Variants in KANSL1L observed in about 807,000 individuals in gnomAD.
KANSL1L encodes the protein KAT8 regulatory NSL complex subunit 1 like.
In KANSL1L, 25 loss-of-function variants were observed where a neutral mutation model predicts 108.6. The observed-to-expected ratio is 0.23, with a 90% confidence interval of 0.17 to 0.32. The LOEUF (loss-of-function observed/expected upper bound fraction) is 0.32. KANSL1L is among the 10% of genes least tolerant of loss of function. The pLI is 1.00. For missense variants in KANSL1L, 1,137 were observed against 1,125.7 expected (o/e 1.01, Z -0.14); for synonymous variants, 405 against 395.1 (o/e 1.03, Z -0.30).
At chr2:210,103,898 A>C in intron 4 of KANSL1L, 1 of 306,356 alleles carries the variant, frequency 3.3e-6, no homozygotes, top group South Asian at 1.0e-4. Context: ...ATTACTTTAC[A>C]TATTATATTT....
At chr2:210,030,502 T>C (rs1348927332) in intron 9 of KANSL1L, among the ~76,000 whole-genome samples, 2 of 150,052 alleles carry the variant, frequency 1.3e-5, no homozygotes, top group Non-Finnish European at 1.5e-5. Context: ...CCAAGTTCTT[T>C]TTTTTTTTTT....
intron 6 of KANSL1L, among the ~76,000 whole-genome samples, chr2:210,056,042 G>A (rs897927682): frequency 2.0e-5 from 3 of 152,206 alleles, no homozygotes; most frequent in Non-Finnish European, 2.9e-5. Context: ...CGTGGGCTGC[G>A]CCCAGGACCC....
At chr2:210,169,961 A>T (rs1688234336) in intron 1 of KANSL1L, among the ~76,000 whole-genome samples, 1 of 152,222 alleles carries the variant, frequency 6.6e-6, no homozygotes, top group Non-Finnish European at 1.5e-5. Context: ...ATCTCTTAAG[A>T]CAGAGACCAT....
At chr2:210,091,402 A>G (rs757679868) in intron 5 of KANSL1L, among the ~76,000 whole-genome samples, 1 of 152,198 alleles carries the variant, frequency 6.6e-6, no homozygotes, top group Non-Finnish European at 1.5e-5. Context: ...AAAATGAAAT[A>G]TAAGATACAT....
chr2:210,041,006 A>G (rs372701180), intron 7 of KANSL1L, among the ~76,000 whole-genome samples: 3 of 152,308 alleles, frequency 2.0e-5, no homozygotes, highest in East Asian at 3.9e-4. Context: ...GAAAACCACT[A>G]TAAGTCAGAT....
intron 2 of KANSL1L, among the ~76,000 whole-genome samples, chr2:210,147,976 T>G (rs2095277304): frequency 6.6e-6 from 1 of 152,150 alleles, no homozygotes; most frequent in South Asian, 2.1e-4. Context: ...TAATCTGGAG[T>G]CACCCAACAG....
At chr2:210,135,964 C>T (rs1458386308) in intron 2 of KANSL1L, among the ~76,000 whole-genome samples, 1 of 151,932 alleles carries the variant, frequency 6.6e-6, no homozygotes, top group Non-Finnish European at 1.5e-5. Context: ...TATATGCACA[C>T]ATTCATGAAG....
At position 210,078,898 on chromosome 2, in the gene KANSL1L, C is replaced by T. The variant is rs908147996; in HGVS notation, c.1551-3142G>A. ...TCATTAATAAATCAATATAAGAAACCATCATCACACGACATTCTTTTAAAA... is the reference window on the plus strand; with the variant it reads ...TCATTAATAAATCAATATAAGAAACTATCATCACACGACATTCTTTTAAAA... On this transcript the variant is annotated intron_variant, in intron 5 of 14. Transcript: ENST00000281772. 3.3e-5 allele frequency among the ~76,000 whole-genome samples: 5 copies of T among 152,092 alleles called. No individual in the cohort carries two copies. The East Asian group carries it at 9.7e-4, about 29-fold the overall frequency.
rs199781810 is a variant in KANSL1L, at chr2:210,075,689, T to G, written c.1618A>C (p.Lys540Gln). 1.9e-6 allele frequency: 3 copies of G among 1,614,050 alleles called. No individual in the cohort carries two copies. The highest frequency in any genetic ancestry group is 2.5e-6 in the Non-Finnish European group (3 of 1,179,934). ...SWLLNQKHSK[K>Q]KRKDRTRLKS... is the part of the protein sequence containing the mutation. The stretch of plus-strand genomic sequence containing the variant: ...AGTCTTGTCCTGTCTTTTCTCTTTT[T>G]CTTACTGTGCTTCTGGTTAAGTAAC... The change falls in exon 6 of 15, where the codon AAA becomes CAA. Residue 540 changes from lysine (K) to glutamine (Q), a missense_variant. Physicochemically the swap from Lys to Gln is moderately conservative, Grantham distance 53 (BLOSUM62 1). This residue lies in a region of KANSL1L where 575 missense variants were observed against 567.1 expected (regional missense o/e 1.01). Coordinates refer to ENST00000281772, the MANE Select transcript of KANSL1L (RefSeq NM_152519.4).
At chr2:210,162,268 T>G (rs1559617993) in intron 1 of KANSL1L, among the ~76,000 whole-genome samples, 1 of 97,626 alleles carries the variant, frequency 1.0e-5, no homozygotes, top group Non-Finnish European at 2.1e-5. Flanking sequence ...ATTAAAAAAT[T>G]AAAGAACTTG....
intron 6 of KANSL1L, among the ~76,000 whole-genome samples, chr2:210,059,063 A>G (rs2094390857): frequency 7.0e-6 from 1 of 142,396 alleles, no homozygotes; most frequent in South Asian, 2.3e-4. Flanking sequence ...CCCCATACCC[A>G]GGAGGTGGAG....
intron 8 of KANSL1L, chr2:210,032,994 G>T (rs1019356680): frequency 6.6e-6 from 1 of 152,138 alleles, no homozygotes; most frequent in African/African-American, 2.4e-5. Flanking sequence ...TCATCACTAG[G>T]CTAAGAAACA....
chr2:210,083,029 G>A (rs1258950319), intron 5 of KANSL1L, among the ~76,000 whole-genome samples: 3 of 152,284 alleles, frequency 2.0e-5, no homozygotes, highest in Admixed American at 2.0e-4. Flanking sequence ...GGATGAGGAT[G>A]AGCCCTAAAT....
At chr2:210,084,058 A>C (rs2094613535) in intron 5 of KANSL1L, among the ~76,000 whole-genome samples, 1 of 152,110 alleles carries the variant, frequency 6.6e-6, no homozygotes, top group Non-Finnish European at 1.5e-5. Flanking sequence ...AGTCTCTTCA[A>C]CTCTAACAAT....
chr2:210,085,489 C>A (rs1298987151), intron 5 of KANSL1L, among the ~76,000 whole-genome samples: 4 of 152,070 alleles, frequency 2.6e-5, no homozygotes, highest in African/African-American at 9.7e-5. Flanking sequence ...ACTTTTCTAC[C>A]TGATAATTGA....
chr2:210,025,885 G>C (rs1221566683), intron 12 of KANSL1L, among the ~76,000 whole-genome samples: 2 of 152,142 alleles, frequency 1.3e-5, no homozygotes, highest in African/African-American at 4.8e-5. Context: ...GACTTCGGTA[G>C]GCTACAGATG....
At chr2:210,053,583 C>A (rs1407672310) in intron 6 of KANSL1L, among the ~76,000 whole-genome samples, 1 of 151,718 alleles carries the variant, frequency 6.6e-6, no homozygotes, top group African/African-American at 2.4e-5. Flanking sequence ...GGAAATAAAC[C>A]GAGATTCATG....
At position 210,047,818 on chromosome 2, in the gene KANSL1L, T is replaced by C. The variant is rs145971752; in HGVS notation, c.1756-3714A>G. Among the ~76,000 whole-genome samples, 653 of 152,288 alleles carry C rather than the reference T, an allele frequency of 4.3e-3. 7 individuals carry two copies. Among genetic ancestry groups the C allele is most frequent in the African/African-American group, 0.015 (620 of 41,562 alleles). On this transcript the variant is annotated intron_variant, in intron 6 of 14. Coordinates refer to ENST00000281772, the MANE Select transcript of KANSL1L (RefSeq NM_152519.4). ...CACATAGGTTCCAAAGGATGCGATC[T>C]TTCTCTAGTGGGGGTTCTCTATCCC...
rs1485457806 is a variant in KANSL1L, at chr2:210,040,447, C to A, written c.2002G>T (p.Asp668Tyr). The change falls in exon 8 of 15, where the codon GAT becomes TAT. Residue 668 changes from aspartate to tyrosine, a missense_variant. By Grantham distance (160) the Asp-to-Tyr change is radical. Coordinates refer to ENST00000281772, the MANE Select transcript of KANSL1L (RefSeq NM_152519.4). ...GGTGATGGAGATATGATATATTCAT[C>A]TACAAATTTATTTTCAGCAAGATTG... ...KGNLAENKFV[D>Y]EYIISPSPVH... The A allele has an allele frequency of 6.6e-7, 1 of 1,525,318 alleles. No homozygotes were observed. The highest frequency in any genetic ancestry group is 9.1e-7 in the Non-Finnish European group (1 of 1,102,480). The allele number at this position is 1,525,318 out of a possible 1,614,324, so 94.5% of individuals were successfully genotyped here.
Sources: gnomAD v4.1 joint callset for allele counts (sites outside exome capture counted in the v4.1 genomes callset) on GRCh38, gnomAD v4.1.1 for gene constraint, gnomAD v4.1.1 regional missense constraint, MANE v1.5 for transcripts, NCBI Gene and HGNC (gene_info 2026-07-23, HGNC 2026-07-21) for gene names.